The following KIAA0319 variants were observed in gnomAD, a reference collection of about 807,000 sequenced individuals.
KIAA0319 encodes dyslexia-associated protein KIAA0319.
Under a neutral mutation model 108.4 loss-of-function variants are expected in KIAA0319, and 83 were observed. The observed-to-expected ratio is 0.77, with a 90% CI of 0.64 to 0.92. The LOEUF is 0.92. Among genes scored for constraint, KIAA0319 ranks in the 40% least tolerant of loss-of-function variants. The pLI is 0.00. For synonymous variants in KIAA0319, 484 were observed against 510.4 expected (o/e 0.95, Z 0.70); for missense variants, 1,195 against 1,322.4 (o/e 0.90, Z 1.49).
In KIAA0319 at chr6:24,579,880, C is replaced by T. The variant is rs138756394; in HGVS notation, c.1350G>A (p.Thr450=). 1.0e-4 allele frequency: 165 copies of T among 1,604,172 alleles called. 1 individual carries two copies. In the African/African-American group the frequency reaches 1.2e-3, roughly 12 times the overall value. Residue 450 remains threonine, a synonymous_variant, in exon 8 of 21, where the codon ACG becomes ACA. Coordinates refer to ENST00000378214, the MANE Select transcript of KIAA0319 (RefSeq NM_014809.4). ...CACGGCTGCCATCAATGAGGGCTGA[C>T]GTCAAAGGCAAAGTGAGCTCTTGCA... ...PQLQELTLPL[T]SALIDGSQST...
At chr6:24,602,962 G>T (rs183647582) in intron 1 of KIAA0319, among the ~76,000 whole-genome samples, 1 of 152,260 alleles carries the variant, frequency 6.6e-6, no homozygotes, top group Non-Finnish European at 1.5e-5. Context: ...TCAGTTATAT[G>T]TTCCTTTTTA....
intron 1 of KIAA0319, among the ~76,000 whole-genome samples, chr6:24,609,537 C>T (rs1771997823): frequency 6.6e-6 from 1 of 150,968 alleles, no homozygotes; most frequent in Admixed American, 6.6e-5. Context: ...GATCACGCCA[C>T]TGCACTCCAG....
Position 24,546,125 on chromosome 6 carries a change from T to A in KIAA0319, c.*1040A>T, listed in dbSNP as rs1760594666. 6.6e-6 allele frequency: 1 copy of A among 152,230 alleles called. No homozygotes were observed. Among genetic ancestry groups the A allele is most frequent in the Non-Finnish European group, 1.5e-5 (1 of 68,048 alleles). 9.4% of individuals were successfully genotyped at this position (152,230 alleles called of 1,614,324 possible). On this transcript the variant is annotated 3_prime_UTR_variant, in exon 21 of 21. Transcript: ENST00000378214. ...AATAAGATTTATTCGGTAGAAAAAC[T>A]TAAATGTATTTTTAAACATATGAAG...
intron 1 of KIAA0319, among the ~76,000 whole-genome samples, chr6:24,617,744 T>C (rs1170781732): frequency 6.6e-6 from 1 of 152,132 alleles, no homozygotes; most frequent in African/African-American, 2.4e-5. Context: ...CCCAGCACTT[T>C]GGGAGGCTGA....
intron 18 of KIAA0319, among the ~76,000 whole-genome samples, chr6:24,555,367 C>A (rs1762131061): frequency 6.6e-6 from 1 of 151,934 alleles, no homozygotes; most frequent in Non-Finnish European, 1.5e-5. Context: ...CATGATGGCA[C>A]ACACCTGTAA....
At position 24,645,965 on chromosome 6, in the gene KIAA0319, G is replaced by C. The variant is rs369093333; in HGVS notation, c.-335C>G. 2 of 152,458 alleles carry C rather than the reference G, an allele frequency of 1.3e-5. No individual in the cohort carries two copies. Among genetic ancestry groups the C allele is most frequent in the East Asian group, 1.9e-4 (1 of 5,152 alleles). The allele number at this position is 152,458 out of a possible 1,614,324, so 9.4% of individuals were successfully genotyped here. ...GCAAAATCCTCGCTTCCTCTTCCCC[G>C]GGACGTAGCCCCAGAGGAGCGAATC... On this transcript the variant is annotated 5_prime_UTR_variant, in exon 1 of 21. Coordinates refer to ENST00000378214, the MANE Select transcript of KIAA0319 (RefSeq NM_014809.4).
chr6:24,573,882 T>G (rs1351511672), intron 10 of KIAA0319, among the ~76,000 whole-genome samples: 2 of 151,952 alleles, frequency 1.3e-5, no homozygotes, highest in Non-Finnish European at 2.9e-5. Flanking sequence ...TTTGGGAGGC[T>G]ACGGCGGGTG....
At chr6:24,570,752 A>G (rs1764615942) in intron 11 of KIAA0319, among the ~76,000 whole-genome samples, 1 of 151,378 alleles carries the variant, frequency 6.6e-6, no homozygotes, top group Admixed American at 6.6e-5. Context: ...GAGGGAGGGG[A>G]CGTTGATGTG....
At position 24,546,287 on chromosome 6, in the gene KIAA0319, C is replaced by T. The variant is rs1194168509; in HGVS notation, c.*878G>A. 1 of 152,096 alleles carries T rather than the reference C, an allele frequency of 6.6e-6. No individual in the cohort carries two copies. The highest frequency in any genetic ancestry group is 2.4e-5 in the African/African-American group (1 of 41,406). 9.4% of individuals were successfully genotyped at this position (152,096 alleles called of 1,614,324 possible). A position where few individuals can be genotyped will look rare whatever the true frequency, so the allele number is the denominator to read the frequency against. On this transcript the variant is annotated 3_prime_UTR_variant, in exon 21 of 21. Coordinates refer to ENST00000378214, the MANE Select transcript of KIAA0319 (RefSeq NM_014809.4). ...ACAATTGCTGAGTCGTTATCCCTAT[C>T]TATGGCAGTCCAAACGCACAGCCTA...
chr6:24,579,041 G>A (rs1165933831), intron 8 of KIAA0319, among the ~76,000 whole-genome samples: 1 of 152,208 alleles, frequency 6.6e-6, no homozygotes, highest in Non-Finnish European at 1.5e-5. Context: ...TTGCAAGATA[G>A]GGCAGCTTTA....
chr6:24,643,317 T>G (rs1169339217), intron 1 of KIAA0319, among the ~76,000 whole-genome samples: 1 of 152,142 alleles, frequency 6.6e-6, no homozygotes, highest in South Asian at 2.1e-4. Flanking sequence ...TAAAGACAAA[T>G]AGAAAAATAA....
intron 2 of KIAA0319, chr6:24,600,530 A>T: frequency 1.3e-6 from 1 of 748,212 alleles, no homozygotes; most frequent in Non-Finnish European, 2.3e-6. Context: ...CGCTAAGGTT[A>T]TCTTCATTAT....
chr6:24,544,003 GATAGTAA>G (rs1173707414), downstream of KIAA0319: 1 of 152,196 alleles, frequency 6.6e-6, no homozygotes, highest in African/African-American at 2.4e-5. Context: ...TAAAAGGCCA[GATAGTAA>G]ATAGTTTAGG....
Position 24,596,416 on chromosome 6 carries a change from C to G in KIAA0319, c.258G>C (p.Glu86Asp). 1 of 1,614,208 alleles carries G rather than the reference C, an allele frequency of 6.2e-7. No homozygotes were observed. Among genetic ancestry groups the G allele is most frequent in the Non-Finnish European group, 8.5e-7 (1 of 1,180,040 alleles). ...GGCCCATCTTCTTGGGCTCACAGTT[C>G]TCTTTGTGGGGGCAGCTCACCAGGT... ...RCYLVSCPHKENCEPKKMGPI... is the reference protein window; with the variant it reads ...RCYLVSCPHKDNCEPKKMGPI... Residue 86 changes from glutamate (E) to aspartate (D), a missense_variant, in exon 3 of 21, where the codon GAG (glutamate) becomes GAC (aspartate). Coordinates refer to ENST00000378214, the MANE Select transcript of KIAA0319 (RefSeq NM_014809.4).
intron 1 of KIAA0319, among the ~76,000 whole-genome samples, chr6:24,614,164 T>G (rs9379671): frequency 0.19 from 28,145 of 152,122 alleles, 2,672 homozygotes; most frequent in East Asian, 0.23. Flanking sequence ...TTTCACAGAT[T>G]GATTCAAATG....
Position 24,576,360 on chromosome 6 carries a change from G to A in KIAA0319, c.1734+8C>T. 3 of 1,608,338 alleles carry A rather than the reference G, an allele frequency of 1.9e-6. No individual in the cohort carries two copies. The highest frequency in any genetic ancestry group is 1.1e-5 in the South Asian group (1 of 90,948). The stretch of plus-strand genomic sequence containing the variant: ...GACAAAAGTCTGAAGGCAGGATGGA[G>A]AACTTGCCTGCATGACCACATGTTT... On this transcript the variant is annotated splice_region_variant and intron_variant, in intron 10 of 20. Transcript: ENST00000378214.
chr6:24,576,542 T>G lies in KIAA0319; in HGVS notation c.1560A>C (p.Ile520=), dbSNP rs1388514080. The G allele has an allele frequency of 2.5e-6, 4 of 1,614,074 alleles. No homozygotes were observed. Among genetic ancestry groups the G allele is most frequent in the Non-Finnish European group, 3.4e-6 (4 of 1,180,026 alleles). ...GTGGGTAGTCCACAGCATTGTTCAC[T>G]ATTAGGGCTGCAGTTGTAGAGTTAG... ...GATNSTTAAL[I]VNNAVDYPPV... Residue 520 remains isoleucine (I), a synonymous_variant, in exon 10 of 21, where the codon ATA becomes ATC. Coordinates refer to ENST00000378214, the MANE Select transcript of KIAA0319 (RefSeq NM_014809.4).
chr6:24,610,160 T>C (rs1258406393), intron 1 of KIAA0319, among the ~76,000 whole-genome samples: 1 of 152,126 alleles, frequency 6.6e-6, no homozygotes, highest in Non-Finnish European at 1.5e-5. Context: ...GCCCACAGAA[T>C]GGGATGAAAT....
intron 4 of KIAA0319, 152 bp from the exon 5 acceptor site, chr6:24,583,854 C>T: frequency 1.6e-6 from 1 of 607,252 alleles, no homozygotes; most frequent in South Asian, 2.0e-5. Flanking sequence ...GCACGTTTTT[C>T]CTCTGGCTAG....
Sources: allele counts gnomAD v4.1 joint callset (sites outside exome capture counted in the v4.1 genomes callset), GRCh38; gene constraint gnomAD v4.1.1; transcripts MANE v1.5; gene names NCBI Gene and HGNC (gene_info 2026-07-23, HGNC 2026-07-21).